SAMD12: variants seen among roughly 807,000 people sequenced by gnomAD.
The protein encoded by SAMD12 is sterile alpha motif domain containing 12.
Under a neutral mutation model 15.0 loss-of-function variants are expected in SAMD12, and 9 were observed. That is an observed-to-expected ratio of 0.60 (90% confidence interval 0.36 to 1.05). The LOEUF is 1.05. SAMD12 is among the 50% of genes least tolerant of loss of function. The pLI, the probability that SAMD12 is intolerant of heterozygous loss-of-function variation, is 0.01. For synonymous variants in SAMD12, 86 were observed against 90.1 expected, an observed-to-expected ratio of 0.96 and a Z score of 0.25; for missense variants, 230 against 234.2, an observed-to-expected ratio of 0.98 and a Z score of 0.12.
At chr8:118,548,230 T>C (rs542056726) in intron 2 of SAMD12, among the ~76,000 whole-genome samples, 68 of 152,252 alleles carry the variant, frequency 4.5e-4, no homozygotes, top group South Asian at 2.1e-3. Context: ...ATAGCAAATA[T>C]GTTCACGATA....
intron 4 of SAMD12, among the ~76,000 whole-genome samples, chr8:118,290,341 A>G (rs1019520316): frequency 6.6e-6 from 1 of 152,158 alleles, no homozygotes; most frequent in African/African-American, 2.4e-5. Flanking sequence ...GTGCTAGACT[A>G]GACATTGAGA....
chr8:118,588,517 T>C (rs916193208), intron 1 of SAMD12, among the ~76,000 whole-genome samples: 2 of 152,238 alleles, frequency 1.3e-5, no homozygotes, highest in Non-Finnish European at 2.9e-5. Context: ...TCAATGTCCA[T>C]AAAGTGTTAC....
intron 2 of SAMD12, among the ~76,000 whole-genome samples, chr8:118,528,759 G>A (rs1825603258): frequency 6.6e-6 from 1 of 152,118 alleles, no homozygotes; most frequent in African/African-American, 2.4e-5. Context: ...TGTGCAACAG[G>A]GGCAGGAAGA....
At chr8:118,535,221 CCT>C (rs1825804307) in intron 2 of SAMD12, among the ~76,000 whole-genome samples, 1 of 152,150 alleles carries the variant, frequency 6.6e-6, no homozygotes, top group African/African-American at 2.4e-5. Context: ...CACTCCAGAC[CCT>C]GTTTGCCTGG....
chr8:118,165,628 A>ACATATATATATGTATATATG, the SAMD12 span, among the ~76,000 whole-genome samples: 13 of 144,022 alleles, frequency 9.0e-5, no homozygotes, highest in East Asian at 1.2e-3. Context: ...ATATATATAT[A>ACATATATATATGTATATATG]TATATATACA....
intron 2 of SAMD12, among the ~76,000 whole-genome samples, chr8:118,473,236 C>T (rs535695022): frequency 6.3e-4 from 96 of 152,364 alleles, no homozygotes; most frequent in Non-Finnish European, 1.1e-3. Flanking sequence ...ACCTCCTCTA[C>T]AGCTACCTCC....
chr8:118,398,443 C>T (rs537831464), intron 3 of SAMD12, among the ~76,000 whole-genome samples: 20 of 152,188 alleles, frequency 1.3e-4, no homozygotes, highest in South Asian at 1.2e-3. Flanking sequence ...AAAATGGCTA[C>T]GATCACATAG....
chr8:118,283,184 G>T (rs543506121), intron 4 of SAMD12, among the ~76,000 whole-genome samples: 2 of 152,138 alleles, frequency 1.3e-5, no homozygotes, highest in Non-Finnish European at 2.9e-5. Flanking sequence ...CAACGTGCAG[G>T]TTTGTTACAT....
At chr8:118,438,420 A>AATTT (rs199665663) in intron 3 of SAMD12, among the ~76,000 whole-genome samples, 1 of 151,396 alleles carries the variant, frequency 6.6e-6, no homozygotes, top group Non-Finnish European at 1.5e-5. Flanking sequence ...TTTAAAAAAA[A>AATTT]TTTTTTTTAA....
chr8:118,272,629 G>C (rs964237941), intron 4 of SAMD12, among the ~76,000 whole-genome samples: 1 of 152,068 alleles, frequency 6.6e-6, no homozygotes, highest in African/African-American at 2.4e-5. Context: ...ATGTTTTGTT[G>C]CTTAGAAATT....
chr8:118,334,167 T>TTAA (rs1360248948), intron 4 of SAMD12, among the ~76,000 whole-genome samples: 3 of 152,182 alleles, frequency 2.0e-5, no homozygotes, highest in Admixed American at 2.0e-4. Flanking sequence ...ATTTATCTGT[T>TTAA]TACACATCTC....
chr8:118,618,929 G>A (rs1020610731), intron 1 of SAMD12, among the ~76,000 whole-genome samples: 5 of 151,796 alleles, frequency 3.3e-5, no homozygotes, highest in Admixed American at 3.3e-4. Flanking sequence ...AGCTTAGAAT[G>A]TTAAGCAATT....
At chr8:118,189,032 T>C (rs887201332), downstream of SAMD12, among the ~76,000 whole-genome samples, 1 of 152,142 alleles carries the variant, frequency 6.6e-6, no homozygotes, top group African/African-American at 2.4e-5. Context: ...CATACTATTA[T>C]TAGCACATAA....
At chr8:118,333,423 C>G (rs7016569) in intron 4 of SAMD12, among the ~76,000 whole-genome samples, 15,771 of 152,188 alleles carry the variant, frequency 0.1, 1,813 homozygotes, top group African/African-American at 0.26. Flanking sequence ...CTTTCTGTAT[C>G]ATGATCCCAA....
chr8:118,386,260 C>T (rs944878782), intron 3 of SAMD12, among the ~76,000 whole-genome samples: 10 of 152,138 alleles, frequency 6.6e-5, no homozygotes, highest in Non-Finnish European at 1.0e-4. Flanking sequence ...CTGTAGGACA[C>T]GAAACATTCT....
At chr8:118,435,089 T>G (rs28433975) in intron 3 of SAMD12, among the ~76,000 whole-genome samples, 2 of 30,820 alleles carry the variant, frequency 6.5e-5, no homozygotes, top group Non-Finnish European at 1.2e-4. Context: ...GGCGACAGAG[T>G]GAGACTCCAT....
the SAMD12 span, among the ~76,000 whole-genome samples, chr8:118,169,330 T>G: frequency 6.6e-6 from 1 of 152,250 alleles, no homozygotes; most frequent in African/African-American, 2.4e-5. Flanking sequence ...CCTAGCATCA[T>G]GTTTTAAGTT....
intron 1 of SAMD12, among the ~76,000 whole-genome samples, chr8:118,603,389 T>C (rs913564079): frequency 1.3e-5 from 2 of 152,196 alleles, no homozygotes; most frequent in Admixed American, 1.3e-4. Flanking sequence ...GAACTAAGTA[T>C]GTTTTATACA....
At chr8:118,268,312 T>C (rs1813257293) in intron 4 of SAMD12, among the ~76,000 whole-genome samples, 2 of 152,174 alleles carry the variant, frequency 1.3e-5, no homozygotes. Context: ...TAAATCAATA[T>C]TTAGTGTTTA....
Sources: gnomAD v4.1 joint callset for allele counts (sites outside exome capture counted in the v4.1 genomes callset) on GRCh38, gnomAD v4.1.1 for gene constraint, MANE v1.5 for transcripts, NCBI Gene and HGNC (gene_info 2026-07-23, HGNC 2026-07-21) for gene names.